The following BICDL1 variants were observed in gnomAD, a reference collection of about 807,000 sequenced individuals.
BICDL1 encodes the protein BICD family-like cargo adapter 1.
BICDL1 carries 20 observed loss-of-function variants against 76.8 expected under a neutral mutation model. The observed-to-expected ratio is 0.26, with a 90% confidence interval of 0.18 to 0.38. BICDL1 has a LOEUF of 0.38. BICDL1 is among the 10% of genes least tolerant of loss of function. The pLI is 1.00. For missense variants in BICDL1, 700 were observed against 798.6 expected, an observed-to-expected ratio of 0.88 and a Z score of 1.49; for synonymous variants, 383 against 337.1, an observed-to-expected ratio of 1.14 and a Z score of -1.49.
At chr12:120,086,219 C>T (rs2139007291) in intron 8 of BICDL1, among the ~76,000 whole-genome samples, 1 of 152,240 alleles carries the variant, frequency 6.6e-6, no homozygotes, top group African/African-American at 2.4e-5. Context: ...TAGAACAGGG[C>T]TGGCTGGGCA....
intron 6 of BICDL1, among the ~76,000 whole-genome samples, chr12:120,073,537 T>C (rs1873276486): frequency 6.6e-6 from 1 of 152,218 alleles, no homozygotes; most frequent in South Asian, 2.1e-4. Flanking sequence ...TGTGGCCACC[T>C]GTGGAGGAGA....
chr12:119,999,835 T>G (rs1396744826), intron 2 of BICDL1: 5 of 434,746 alleles, frequency 1.2e-5, no homozygotes, highest in Admixed American at 5.6e-5. Context: ...AACTCTTCAG[T>G]TACCGGAGGA....
chr12:120,066,047 T>G (rs1406311520), intron 4 of BICDL1, among the ~76,000 whole-genome samples: 2 of 152,246 alleles, frequency 1.3e-5, no homozygotes, highest in Admixed American at 1.3e-4. Flanking sequence ...GAAAAGAATT[T>G]GCTCATTTTT....
At chr12:120,050,698 G>T (rs1952840380) in intron 2 of BICDL1, among the ~76,000 whole-genome samples, 1 of 152,046 alleles carries the variant, frequency 6.6e-6, no homozygotes, top group African/African-American at 2.4e-5. Flanking sequence ...CTGGAATGCA[G>T]TGGCACGATC....
chr12:120,028,397 G>A (rs1415704902), intron 2 of BICDL1, among the ~76,000 whole-genome samples: 1 of 152,076 alleles, frequency 6.6e-6, no homozygotes, highest in Admixed American at 6.5e-5. Flanking sequence ...GATATTGGCT[G>A]GGCGTGGTGG....
At chr12:120,021,601 AAAAAAAAAAG>A (rs1278070642) in intron 2 of BICDL1, among the ~76,000 whole-genome samples, 1 of 148,682 alleles carries the variant, frequency 6.7e-6, no homozygotes, top group Non-Finnish European at 1.5e-5. Flanking sequence ...AAAAAAAAAA[AAAAAAAAAAG>A]AGAATCAGCC....
At chr12:120,088,179 A>G (rs1038977657) in intron 8 of BICDL1, among the ~76,000 whole-genome samples, 1 of 151,862 alleles carries the variant, frequency 6.6e-6, no homozygotes, top group Non-Finnish European at 1.5e-5. Context: ...TGATCCGCCC[A>G]CCTTGGCCTC....
intron 5 of BICDL1, 32 bp from the exon 6 acceptor site, chr12:120,072,479 T>A (rs1468953893): frequency 6.2e-7 from 1 of 1,604,856 alleles, no homozygotes; most frequent in African/African-American, 1.3e-5. Context: ...TTCTCTAGAG[T>A]CTGAAATGAA....
intron 2 of BICDL1, among the ~76,000 whole-genome samples, chr12:120,033,043 C>T (rs1952456300): frequency 6.6e-6 from 1 of 152,092 alleles, no homozygotes; most frequent in Non-Finnish European, 1.5e-5. Flanking sequence ...CCATGCCTGG[C>T]CTATAATTTT....
Position 120,093,542 on chromosome 12 carries a change from A to G in BICDL1, c.*381A>G. The G allele has an allele frequency of 1.3e-5, 3 of 230,002 alleles. No individual in the cohort carries two copies. Among genetic ancestry groups the G allele is most frequent in the Non-Finnish European group, 2.7e-5 (3 of 112,728 alleles). 14.2% of individuals were successfully genotyped at this position (230,002 alleles called of 1,614,324 possible). A position where few individuals can be genotyped will look rare whatever the true frequency, so the allele number is the denominator to read the frequency against. The stretch of plus-strand genomic sequence containing the variant: ...TCCTTGATTTTAGCAAATGGGGAAC[A>G]GAAGGAATGGAGGCCCTTCTCTGCA... On this transcript the variant is annotated 3_prime_UTR_variant, in exon 10 of 10. Transcript: ENST00000548673.
At position 120,071,870 on chromosome 12, in the gene BICDL1, G is replaced by A. The variant is rs1873131877; in HGVS notation, c.1089+69G>A. 1 of 1,451,216 alleles carries A rather than the reference G, an allele frequency of 6.9e-7. No homozygotes were observed. Among genetic ancestry groups the A allele is most frequent in the African/African-American group, 1.4e-5 (1 of 69,618 alleles). The allele number at this position is 1,451,216 out of a possible 1,614,324, so 89.9% of individuals were successfully genotyped here. On this transcript the variant is annotated intron_variant, in intron 5 of 9. Coordinates refer to ENST00000548673, the MANE Select transcript of BICDL1 (RefSeq NM_001367886.1). This position sits in a 1 kb window ranked among gnomAD's most constrained non-coding sequence, Gnocchi z 4.8. ...TGCTTAGGTCTCATCCTCCTCCCTA[G>A]TGCTCAGCTGCCATCCTGGCAAGGC...
chr12:120,054,275 A>C (rs1037203400), intron 2 of BICDL1, among the ~76,000 whole-genome samples: 16 of 151,848 alleles, frequency 1.1e-4, no homozygotes, highest in Admixed American at 7.9e-4. Context: ...GAGTTTCTGC[A>C]TGTTGGCCAG....
At chr12:120,067,750 A>T (rs967904113) in intron 4 of BICDL1, among the ~76,000 whole-genome samples, 3 of 152,212 alleles carry the variant, frequency 2.0e-5, no homozygotes, top group Non-Finnish European at 4.4e-5. Flanking sequence ...TCCTGCTGAG[A>T]TGTGTGTGGA....
At chr12:120,051,140 C>T (rs780045480) in intron 2 of BICDL1, among the ~76,000 whole-genome samples, 8 of 151,942 alleles carry the variant, frequency 5.3e-5, no homozygotes, top group South Asian at 4.2e-4. Flanking sequence ...CTCCACCACC[C>T]GGGTTCAAGC....
chr12:120,053,613 G>T (rs907605548), intron 2 of BICDL1, among the ~76,000 whole-genome samples: 1 of 152,026 alleles, frequency 6.6e-6, no homozygotes, highest in African/African-American at 2.4e-5. Context: ...ATCATTTTTT[G>T]AGCACTTCTT....
intron 2 of BICDL1, among the ~76,000 whole-genome samples, chr12:120,012,613 A>G (rs1487871543): frequency 1.3e-5 from 2 of 152,196 alleles, no homozygotes; most frequent in Admixed American, 6.5e-5. Flanking sequence ...ATGTTTTAGC[A>G]TATGTCTTTC....
chr12:120,053,131 G>C (rs150431091), intron 2 of BICDL1, among the ~76,000 whole-genome samples: 7,210 of 151,962 alleles, frequency 0.047, 363 homozygotes, highest in African/African-American at 0.12. Flanking sequence ...CCAGGCTAGA[G>C]TGCAATGGCG....
intron 6 of BICDL1, among the ~76,000 whole-genome samples, chr12:120,074,183 A>T (rs1384591327): frequency 6.6e-6 from 1 of 152,112 alleles, no homozygotes; most frequent in East Asian, 1.9e-4. Context: ...AAGTGCTGGG[A>T]TTACAGCGTG....
At chr12:120,004,256 A>G (rs1049708044) in intron 2 of BICDL1, among the ~76,000 whole-genome samples, 2 of 152,112 alleles carry the variant, frequency 1.3e-5, no homozygotes, top group African/African-American at 2.4e-5. Context: ...CCCTCATCAC[A>G]GTGCTACAAG....
Sources: allele counts gnomAD v4.1 joint callset (sites outside exome capture counted in the v4.1 genomes callset), GRCh38; gene constraint gnomAD v4.1.1; non-coding constraint Gnocchi (gnomAD v3.1); transcripts MANE v1.5; gene names NCBI Gene and HGNC (gene_info 2026-07-23, HGNC 2026-07-21).